DCDC1: variants seen among roughly 807,000 people sequenced by gnomAD.
The protein encoded by DCDC1 is doublecortin domain containing 1, also known as doublecortin domain-containing protein 1.
A neutral mutation model predicts 178.3 loss-of-function variants in DCDC1; 200 were observed. The observed-to-expected ratio is 1.12, with a 90% CI of 1.00 to 1.26. DCDC1 has a LOEUF of 1.26. Among genes scored for constraint, DCDC1 ranks in the 50% most tolerant of loss-of-function variants. DCDC1 has a pLI of 0.00. For synonymous variants in DCDC1, 690 were observed against 604.8 expected (o/e 1.14, Z -2.07); for missense variants, 1,983 against 1,749.2 (o/e 1.13, Z -2.38).
intron 20 of DCDC1, among the ~76,000 whole-genome samples, chr11:31,021,678 A>C (rs1176629990): frequency 2.0e-5 from 3 of 152,118 alleles, no homozygotes; most frequent in Non-Finnish European, 2.9e-5. Flanking sequence ...ACCTGTTTGA[A>C]ACTCTGATTT....
At chr11:31,068,049 G>A (rs972611221) in intron 18 of DCDC1, among the ~76,000 whole-genome samples, 1 of 151,940 alleles carries the variant, frequency 6.6e-6, no homozygotes, top group Admixed American at 6.6e-5. Context: ...TTTAATGTAA[G>A]AAATTTTTCA....
chr11:31,256,235 T>C (rs1057231486), intron 8 of DCDC1, among the ~76,000 whole-genome samples: 4 of 152,172 alleles, frequency 2.6e-5, no homozygotes, highest in African/African-American at 9.7e-5. Flanking sequence ...GTTTTACTTG[T>C]AGTAAGTTTT....
At chr11:31,333,199 G>A (rs1950092166) in intron 2 of DCDC1, among the ~76,000 whole-genome samples, 1 of 152,076 alleles carries the variant, frequency 6.6e-6, no homozygotes, top group Non-Finnish European at 1.5e-5. Flanking sequence ...GACTAGGTTT[G>A]CAACCCCTGC....
At chr11:31,111,411 TAA>T (rs2135805247) in intron 11 of DCDC1, among the ~76,000 whole-genome samples, 1 of 152,062 alleles carries the variant, frequency 6.6e-6, no homozygotes, top group South Asian at 2.1e-4. Context: ...CCTTTAGTCA[TAA>T]AAAAAGAAAA....
Position 31,106,849 on chromosome 11 carries a change from G to A in DCDC1, c.1699C>T (p.Leu567Phe), listed in dbSNP as rs1958882753. ...DENGQEIKNP[L>F]SLKNEQKIWV... ...ATTTTTTGCTCATTCTTCAGCGAAA[G>A]TGGATTCTTAATTTCTTGGCCATTC... Residue 567 changes from leucine to phenylalanine, a missense_variant, in exon 13 of 39, where the codon CTT (leucine) becomes TTT (phenylalanine). Leu to Phe is a conservative substitution (Grantham distance 22, BLOSUM62 0). Coordinates refer to ENST00000684477, the MANE Select transcript of DCDC1 (RefSeq NM_001387274.1). The A allele has an allele frequency of 1.3e-6, 1 of 766,124 alleles. No individual in the cohort carries two copies. Among genetic ancestry groups the A allele is most frequent in the East Asian group, 2.4e-5 (1 of 41,238 alleles). The allele number at this position is 766,124 out of a possible 1,614,324, so 47.5% of individuals were successfully genotyped here. A position where few individuals can be genotyped will look rare whatever the true frequency, so the allele number is the denominator to read the frequency against.
intron 9 of DCDC1, among the ~76,000 whole-genome samples, chr11:31,145,363 T>C (rs1005171222): frequency 2.0e-5 from 3 of 152,214 alleles, no homozygotes; most frequent in South Asian, 4.1e-4. Flanking sequence ...TACTCGAAGA[T>C]AGGAACGAGT....
chr11:30,937,415 G>T (rs1050360677), intron 21 of DCDC1, among the ~76,000 whole-genome samples: 1 of 152,138 alleles, frequency 6.6e-6, no homozygotes, highest in South Asian at 2.1e-4. Context: ...CTCATCAATG[G>T]TCATGAGGGG....
intron 9 of DCDC1, among the ~76,000 whole-genome samples, chr11:31,197,858 C>G (rs748402047): frequency 2.0e-5 from 3 of 152,002 alleles, no homozygotes; most frequent in Non-Finnish European, 2.9e-5. Flanking sequence ...TCAATAATGG[C>G]CCCAGCACTT....
intron 20 of DCDC1, among the ~76,000 whole-genome samples, chr11:30,974,135 C>T (rs1220066329): frequency 1.3e-5 from 2 of 151,726 alleles, no homozygotes; most frequent in Non-Finnish European, 2.9e-5. Context: ...CCTGAATGAC[C>T]ATTGGATCAA....
At chr11:30,991,874 G>T (rs1951007389) in intron 20 of DCDC1, among the ~76,000 whole-genome samples, 1 of 152,116 alleles carries the variant, frequency 6.6e-6, no homozygotes, top group South Asian at 2.1e-4. Context: ...TTTGGGAAAA[G>T]AATTTAAATG....
At chr11:30,918,003 G>A (rs1388708287) in intron 25 of DCDC1, among the ~76,000 whole-genome samples, 1 of 151,768 alleles carries the variant, frequency 6.6e-6, no homozygotes, top group African/African-American at 2.4e-5. Flanking sequence ...AGAACTACAG[G>A]CAGCACAAGC....
At chr11:31,321,469 C>A (rs1309635146) in intron 3 of DCDC1, among the ~76,000 whole-genome samples, 2 of 151,960 alleles carry the variant, frequency 1.3e-5, no homozygotes, top group African/African-American at 4.8e-5. Context: ...ACTCCCTGAC[C>A]CCTTGCGCTT....
At chr11:31,003,964 C>T (rs1164196478) in intron 20 of DCDC1, among the ~76,000 whole-genome samples, 2 of 152,062 alleles carry the variant, frequency 1.3e-5, no homozygotes, top group Non-Finnish European at 2.9e-5. Flanking sequence ...ATGATGACGG[C>T]TAGGTTTCTG....
intron 20 of DCDC1, among the ~76,000 whole-genome samples, chr11:31,061,997 A>C (rs1955948196): frequency 6.6e-6 from 1 of 152,122 alleles, no homozygotes; most frequent in African/African-American, 2.4e-5. Flanking sequence ...TGCAAAAGCC[A>C]AATCCCTAAG....
At chr11:30,883,572 GC>G (rs1415595180) in intron 36 of DCDC1, 3 of 332,102 alleles carry the variant, frequency 9.0e-6, no homozygotes, top group Non-Finnish European at 1.9e-5. Context: ...ATATTACAAA[GC>G]AAAAAGTGTG....
At chr11:30,900,902 GT>G (rs1239121409) in intron 32 of DCDC1, among the ~76,000 whole-genome samples, 1 of 151,982 alleles carries the variant, frequency 6.6e-6, no homozygotes, top group Non-Finnish European at 1.5e-5. Flanking sequence ...TCATTCTGCT[GT>G]TTCTTTTTTT....
chr11:31,303,326 G>A (rs1053651676), intron 6 of DCDC1, among the ~76,000 whole-genome samples: 2 of 152,118 alleles, frequency 1.3e-5, no homozygotes, highest in African/African-American at 4.8e-5. Flanking sequence ...TGCTCATTTA[G>A]AAAGATACAT....
intron 20 of DCDC1, among the ~76,000 whole-genome samples, chr11:30,989,898 G>C: frequency 6.6e-6 from 1 of 152,098 alleles, no homozygotes; most frequent in South Asian, 2.1e-4. Context: ...GACAGGAAGA[G>C]ACAATCCAGG....
chr11:30,917,798 A>G (rs999336939), intron 25 of DCDC1, among the ~76,000 whole-genome samples: 1 of 152,242 alleles, frequency 6.6e-6, no homozygotes, highest in African/African-American at 2.4e-5. Context: ...AAGTATGCGT[A>G]CCTGTAAATA....
Sources: gnomAD v4.1 joint callset for allele counts (sites outside exome capture counted in the v4.1 genomes callset) on GRCh38, gnomAD v4.1.1 for gene constraint, MANE v1.5 for transcripts, NCBI Gene and HGNC (gene_info 2026-07-23, HGNC 2026-07-21) for gene names.